Variants in CR1 observed in about 807,000 individuals in gnomAD.
CR1 encodes the protein complement receptor type 1.
Under a neutral mutation model 187.3 loss-of-function variants are expected in CR1, and 116 were observed. That is an observed-to-expected ratio of 0.62 (90% confidence interval 0.53 to 0.72). The LOEUF is 0.72. CR1 is among the 30% of genes least tolerant of loss of function. The pLI is 0.00. For synonymous variants in CR1, 576 were observed against 747.1 expected, an observed-to-expected ratio of 0.77 and a Z score of 3.73; for missense variants, 1,731 against 2,110.7, an observed-to-expected ratio of 0.82 and a Z score of 3.52.
chr1:207,575,025 T>G (rs1318847894), intron 27 of CR1, among the ~76,000 whole-genome samples: 1 of 152,102 alleles, frequency 6.6e-6, no homozygotes, highest in African/African-American at 2.4e-5. Flanking sequence ...TTGGGCATCA[T>G]GAAATCAATG....
At chr1:207,616,509 T>A in intron 40 of CR1, 66 bp from the exon 41 acceptor site, 1 of 1,532,554 alleles carries the variant, frequency 6.5e-7, no homozygotes, top group South Asian at 1.2e-5. Context: ...CAGTCACAGG[T>A]CACTATTGTT....
chr1:207,622,400 C>T (rs1218992143), intron 44 of CR1, among the ~76,000 whole-genome samples: 1 of 152,170 alleles, frequency 6.6e-6, no homozygotes, highest in African/African-American at 2.4e-5. Flanking sequence ...CTTCTGAGCC[C>T]ATATCTGTGA....
At chr1:207,629,937 G>A (rs757821368) in intron 45 of CR1, among the ~76,000 whole-genome samples, 1 of 152,152 alleles carries the variant, frequency 6.6e-6, no homozygotes, top group Admixed American at 6.5e-5. Context: ...ACTTAACATA[G>A]TGCCTCATTT....
At chr1:207,588,025 A>G (rs1182155193) in intron 34 of CR1, among the ~76,000 whole-genome samples, 1 of 152,274 alleles carries the variant, frequency 6.6e-6, no homozygotes, top group Non-Finnish European at 1.5e-5. Context: ...TGTGAGTTGC[A>G]GTGAACTGTG....
At chr1:207,519,839 G>T (rs1332628388) in intron 4 of CR1, among the ~76,000 whole-genome samples, 5 of 152,158 alleles carry the variant, frequency 3.3e-5, no homozygotes, top group Non-Finnish European at 7.4e-5. Flanking sequence ...ATAGCTCAGC[G>T]TTTGCCTTAT....
Position 207,617,612 on chromosome 1 carries a change from TAGAGAGAGAG to T in CR1, c.6890-417_6890-408del, listed in dbSNP as rs1156448710. On this transcript the variant is annotated intron_variant, in intron 41 of 46. Transcript: ENST00000367049. ...ATATATATATATATATATATATATA[TAGAGAGAGAG>T]AGAGAGAGAGAGAGAGAGAGAGAGA... Among the ~76,000 whole-genome samples the T allele has an allele frequency of 8.0e-3, 175 of 21,930 alleles. 1 individual carries two copies. The highest frequency in any genetic ancestry group is 0.018 in the East Asian group (16 of 880). 14.4% of individuals were successfully genotyped at this position (21,930 alleles called of 152,430 possible).
At chr1:207,583,850 A>C (rs1479000775) in intron 32 of CR1, among the ~76,000 whole-genome samples, 1 of 152,208 alleles carries the variant, frequency 6.6e-6, no homozygotes, top group African/African-American at 2.4e-5. Flanking sequence ...GAGTGTAAAC[A>C]TTGGTTAAGC....
intron 4 of CR1, 146 bp downstream of exon 4, chr1:207,511,800 G>T (rs1308604935): frequency 7.4e-6 from 5 of 680,126 alleles, no homozygotes; most frequent in South Asian, 2.4e-5. Context: ...TATTCCTATG[G>T]GGTTCCTGGC....
chr1:207,627,407 G>C (rs909208737), intron 45 of CR1, among the ~76,000 whole-genome samples: 2 of 152,166 alleles, frequency 1.3e-5, no homozygotes, highest in Non-Finnish European at 2.9e-5. Context: ...TTTATCAAAT[G>C]AATGAGTGAG....
At chr1:207,508,851 G>GT (rs1659529805) in intron 3 of CR1, among the ~76,000 whole-genome samples, 1 of 151,928 alleles carries the variant, frequency 6.6e-6, no homozygotes. Flanking sequence ...TCAAAATGCT[G>GT]TAACTATGCA....
intron 4 of CR1, among the ~76,000 whole-genome samples, chr1:207,513,092 T>C (rs1000858356): frequency 1.3e-5 from 2 of 152,244 alleles, no homozygotes; most frequent in Non-Finnish European, 2.9e-5. Context: ...GTCAGACTTC[T>C]ATTCACTTGA....
intron 35 of CR1, among the ~76,000 whole-genome samples, chr1:207,600,076 G>C (rs1362105886): frequency 3.3e-5 from 5 of 152,112 alleles, no homozygotes; most frequent in Non-Finnish European, 7.4e-5. Flanking sequence ...ACTCAGTTCT[G>C]CCATTGCAGT....
At chr1:207,625,620 T>G (rs1451856063) in intron 45 of CR1, among the ~76,000 whole-genome samples, 2 of 152,178 alleles carry the variant, frequency 1.3e-5, no homozygotes, top group Non-Finnish European at 2.9e-5. Flanking sequence ...GAGTTATCAC[T>G]CAACTCAGTC....
Position 207,573,337 on chromosome 1 carries a change from G to A in CR1, c.4452-2258G>A, listed in dbSNP as rs1746655. 8.5e-4 allele frequency among the ~76,000 whole-genome samples: 129 copies of A among 152,256 alleles called. 2 individuals carry two copies. In the East Asian group the frequency reaches 0.012, roughly 14 times the overall value. Reference sequence around the variant, plus strand: ...GCCAGCATAGGCCTCACAGACCACAGCACCTAGAATCTGACAAAAATTAGA... The same window carrying A: ...GCCAGCATAGGCCTCACAGACCACAACACCTAGAATCTGACAAAAATTAGA... On this transcript the variant is annotated intron_variant, in intron 27 of 46. Coordinates refer to ENST00000367049, the MANE Select transcript of CR1 (RefSeq NM_000651.6).
In CR1 at chr1:207,623,217, A is replaced by C. The variant is rs544212762; in HGVS notation, c.7352+149A>C. On this transcript the variant is annotated intron_variant, in intron 45 of 46. Coordinates refer to ENST00000367049, the MANE Select transcript of CR1 (RefSeq NM_000651.6). ...AAGTCCTTGACACACAGTATAGACA[A>C]AGAGGTATTCACACTAAAGGAAGTA... The C allele has an allele frequency of 1.7e-5, 10 of 598,578 alleles. No individual in the cohort carries two copies. The East Asian group carries it at 2.5e-4, about 15-fold the overall frequency. 37.1% of individuals were successfully genotyped at this position (598,578 alleles called of 1,614,324 possible). A position where few individuals can be genotyped will look rare whatever the true frequency, so the allele number is the denominator to read the frequency against.
At chr1:207,581,842 G>A (rs1660964516) in intron 31 of CR1, 76 bp from the exon 32 acceptor site, 4 of 961,838 alleles carry the variant, frequency 4.2e-6, no homozygotes, top group Non-Finnish European at 6.7e-6. Context: ...GAATTCTCAG[G>A]GAGGAGGTTG....
intron 46 of CR1, among the ~76,000 whole-genome samples, chr1:207,636,154 C>T (rs1662806551): frequency 6.6e-6 from 1 of 151,966 alleles, no homozygotes; most frequent in African/African-American, 2.4e-5. Flanking sequence ...CTGTTGGGTA[C>T]ACCTGCAGAC....
At chr1:207,496,527 C>G in intron 1 of CR1, 139 bp downstream of exon 1, 1 of 852,904 alleles carries the variant, frequency 1.2e-6, no homozygotes, top group Non-Finnish European at 1.7e-6. Flanking sequence ...GCTGAGCGCG[C>G]GACCCGGCAG....
chr1:207,616,681 C>T lies in CR1; in HGVS notation c.6768C>T (p.His2256=), dbSNP rs779932552. 3.7e-6 allele frequency: 6 copies of T among 1,613,884 alleles called. No homozygotes were observed. The highest frequency in any genetic ancestry group is 2.2e-5 in the East Asian group (1 of 44,898). The change falls in exon 41 of 47, where the codon CAC becomes CAT. Residue 2256 remains histidine, a synonymous_variant. Coordinates refer to ENST00000367049, the MANE Select transcript of CR1 (RefSeq NM_000651.6). The part of the protein sequence containing the change: ...GKEISYACDT[H]PDRGMTFNLI... ...AAATATCTTACGCATGCGACACCCA[C>T]CCAGACAGAGGGATGACCTTCAACC...
Sources: allele counts gnomAD v4.1 joint callset (sites outside exome capture counted in the v4.1 genomes callset), GRCh38; gene constraint gnomAD v4.1.1; transcripts MANE v1.5; gene names NCBI Gene and HGNC (gene_info 2026-07-23, HGNC 2026-07-21).